Variants in NCKAP1 observed in about 807,000 individuals in gnomAD.
NCKAP1 encodes nck-associated protein 1.
NCKAP1 carries 21 observed loss-of-function variants against 151.2 expected under a neutral mutation model. That is an observed-to-expected ratio of 0.14 (90% CI 0.10 to 0.20). NCKAP1 has a LOEUF of 0.20. Among genes scored for constraint, NCKAP1 ranks in the 10% least tolerant of loss-of-function variants. NCKAP1 has a pLI of 1.00. For missense variants in NCKAP1, 933 were observed against 1,352.1 expected (o/e 0.69, Z 4.86); for synonymous variants, 484 against 451.8 (o/e 1.07, Z -0.90).
At chr2:182,949,365 A>C (rs1305631621) in intron 23 of NCKAP1, among the ~76,000 whole-genome samples, 1 of 152,194 alleles carries the variant, frequency 6.6e-6, no homozygotes, top group East Asian at 1.9e-4. Context: ...CCACTGACTA[A>C]AATGTGAGCG....
chr2:182,911,319 A>C lies in NCKAP1; in HGVS notation c.*14383T>G, dbSNP rs568440330. ...TCACCTTTTGATGTCAGAGGGCTGA[A>C]AATCCCACCCTTGGATCATGCTAAC... On this transcript the variant is annotated 3_prime_UTR_variant, in exon 31 of 31. Transcript: ENST00000361354. 6.6e-6 allele frequency: 1 copy of C among 152,286 alleles called. No homozygotes were observed. The highest frequency in any genetic ancestry group is 2.1e-4 in the South Asian group (1 of 4,822). 9.4% of individuals were successfully genotyped at this position (152,286 alleles called of 1,614,324 possible).
chr2:182,988,885 AAAC>A (rs1182893516), intron 9 of NCKAP1, 142 bp downstream of exon 9: 1 of 595,048 alleles, frequency 1.7e-6, no homozygotes, highest in African/African-American at 1.9e-5. Flanking sequence ...TGACTGTTAA[AAAC>A]AACTTCCTGG....
Position 182,912,640 on chromosome 2 carries a change from G to C in NCKAP1, c.*13062C>G, listed in dbSNP as rs904665142. 6.6e-6 allele frequency: 1 copy of C among 151,784 alleles called. No homozygotes were observed. Among genetic ancestry groups the C allele is most frequent in the African/African-American group, 2.4e-5 (1 of 41,088 alleles). 9.4% of individuals were successfully genotyped at this position (151,784 alleles called of 1,614,324 possible). ...GTGGAGTTCAGAATTATAAATGCTT[G>C]GCTAGTTAGCCATAATAAAAATGGA... On this transcript the variant is annotated 3_prime_UTR_variant, in exon 31 of 31. Transcript: ENST00000361354.
rs1696992133 is a variant in NCKAP1, at chr2:182,941,412, A to G, written c.2695+658T>C. On this transcript the variant is annotated intron_variant, in intron 24 of 30. Transcript: ENST00000361354. Reference sequence around the variant, plus strand: ...TTTCATCAATCTTAGCTAATAACAAAAAGAAACAAATTACTGATCACTTAA... The same window carrying G: ...TTTCATCAATCTTAGCTAATAACAAGAAGAAACAAATTACTGATCACTTAA... Among the ~76,000 whole-genome samples, 3 of 152,210 alleles carry G rather than the reference A, an allele frequency of 2.0e-5. No homozygotes were observed. The South Asian group carries it at 6.2e-4, about 31-fold the overall frequency.
chr2:182,954,130 T>G (rs1697276087), intron 20 of NCKAP1, among the ~76,000 whole-genome samples: 1 of 152,208 alleles, frequency 6.6e-6, no homozygotes. Context: ...AAGGTTTTGT[T>G]GGGAAGTGGT....
At chr2:183,017,169 C>T (rs1170108312) in intron 2 of NCKAP1, among the ~76,000 whole-genome samples, 1 of 152,124 alleles carries the variant, frequency 6.6e-6, no homozygotes, top group Non-Finnish European at 1.5e-5. Flanking sequence ...ACCTTTTTAG[C>T]ACCAGGGACC....
chr2:182,938,476 A>C (rs1696927633), intron 24 of NCKAP1, among the ~76,000 whole-genome samples: 1 of 152,190 alleles, frequency 6.6e-6, no homozygotes, highest in Admixed American at 6.5e-5. Context: ...CAAATCTTGC[A>C]AATGAGTAGT....
intron 20 of NCKAP1, among the ~76,000 whole-genome samples, chr2:182,953,832 C>A (rs184555219): frequency 1.3e-5 from 2 of 151,734 alleles, no homozygotes; most frequent in Admixed American, 1.3e-4. Context: ...AAAACTACAA[C>A]GAAATGTGAA....
At chr2:183,012,219 T>G (rs1204506306) in intron 2 of NCKAP1, among the ~76,000 whole-genome samples, 1 of 152,144 alleles carries the variant, frequency 6.6e-6, no homozygotes, top group East Asian at 1.9e-4. Flanking sequence ...AATCTACACA[T>G]TAGTGTGATA....
At chr2:182,964,493 GTTTA>G (rs1190985073) in intron 17 of NCKAP1, among the ~76,000 whole-genome samples, 179 bp downstream of exon 17, 2 of 151,974 alleles carry the variant, frequency 1.3e-5, no homozygotes, top group African/African-American at 4.8e-5. Flanking sequence ...TTATACTTAT[GTTTA>G]TTTATCTATA....
In NCKAP1 at chr2:182,925,583, T is replaced by TA; in HGVS notation, c.*118dup. The TA allele has an allele frequency of 1.9e-6, 1 of 515,628 alleles. No individual in the cohort carries two copies. The highest frequency in any genetic ancestry group is 3.2e-5 in the East Asian group (1 of 31,592). 31.9% of individuals were successfully genotyped at this position (515,628 alleles called of 1,614,324 possible). A position where few individuals can be genotyped will look rare whatever the true frequency, so the allele number is the denominator to read the frequency against. On this transcript the variant is annotated 3_prime_UTR_variant, in exon 31 of 31. Coordinates refer to ENST00000361354, the MANE Select transcript of NCKAP1 (RefSeq NM_013436.5). Reference sequence around the variant, plus strand: ...AACCAATGATCAGAAAATACAACCGTATGAAAGAAATTTATAATCCACAAA... The same window carrying TA: ...AACCAATGATCAGAAAATACAACCGTAATGAAAGAAATTTATAATCCACAAA...
rs185752925 is a variant in NCKAP1 at position 182,911,958 on chromosome 2, T to C, written c.*13744A>G. On this transcript the variant is annotated 3_prime_UTR_variant, in exon 31 of 31. Transcript: ENST00000361354. ...TGCATTTTCCACAATAGACACTTCA[T>C]GTCTTTGAATTATTTTAGTTGGAGT... is the stretch of plus-strand genomic sequence containing the variant. 2 of 152,354 alleles carry C rather than the reference T, an allele frequency of 1.3e-5. No homozygotes were observed. The highest frequency in any genetic ancestry group is 6.5e-5 in the Admixed American group (1 of 15,294). The allele number at this position is 152,354 out of a possible 1,614,324, so 9.4% of individuals were successfully genotyped here.
chr2:183,035,108 A>C (rs900273707), intron 1 of NCKAP1, among the ~76,000 whole-genome samples: 3 of 149,486 alleles, frequency 2.0e-5, no homozygotes, highest in African/African-American at 7.6e-5. Flanking sequence ...ATTTAAAAAC[A>C]AAAAAAAAGG....
Position 182,981,308 on chromosome 2 carries a change from A to G in NCKAP1, c.1277T>C (p.Met426Thr). 1 of 1,613,534 alleles carries G rather than the reference A, an allele frequency of 6.2e-7. No homozygotes were observed. The highest frequency in any genetic ancestry group is 8.5e-7 in the Non-Finnish European group (1 of 1,179,454). ...AAGGTACTGCACGTAATACCTCTGC[A>G]TTACAGGTCCGTATTTCCTCACATG... ...RAHVRKYGPV[M>T]QRYYVQYLSG... Residue 426 changes from methionine (M) to threonine (T), a missense_variant, in exon 13 of 31, where the codon ATG (methionine) becomes ACG (threonine). By Grantham distance (81) the Met-to-Thr change is moderately conservative. This residue lies in a region of NCKAP1 where 607 missense variants were observed against 795.0 expected (regional missense o/e 0.76). Transcript: ENST00000361354.
At chr2:182,938,898 T>G (rs1696937739) in intron 24 of NCKAP1, among the ~76,000 whole-genome samples, 1 of 152,178 alleles carries the variant, frequency 6.6e-6, no homozygotes, top group African/African-American at 2.4e-5. Context: ...TGTAAAGGAA[T>G]GGGAGAGCTA....
intron 15 of NCKAP1, 22 bp from the exon 16 acceptor site, chr2:182,967,383 A>T (rs1697593151): frequency 1.9e-6 from 3 of 1,577,486 alleles, no homozygotes; most frequent in Non-Finnish European, 2.6e-6. Flanking sequence ...AAAAAAAAAA[A>T]AGTAGTTCAG....
In NCKAP1 at chr2:182,920,759, C is replaced by T. The variant is rs181390686; in HGVS notation, c.*4943G>A. On this transcript the variant is annotated 3_prime_UTR_variant, in exon 31 of 31. Transcript: ENST00000361354. ...ACCTAATCACCTCCCAAAGGCCCCA[C>T]ATCCTGTCACACTGATGATCAGATT... 6.6e-6 allele frequency: 1 copy of T among 152,110 alleles called. No homozygotes were observed. 9.4% of individuals were successfully genotyped at this position (152,110 alleles called of 1,614,324 possible).
chr2:182,957,684 G>T (rs549428288), intron 18 of NCKAP1, 88 bp from the exon 19 acceptor site: 4 of 1,350,864 alleles, frequency 3.0e-6, no homozygotes, highest in South Asian at 2.8e-5. Flanking sequence ...CTGAATCCAG[G>T]CTGTGTTGCA....
At chr2:182,934,600 T>C (rs1373156863) in intron 26 of NCKAP1, 152 bp downstream of exon 26, 2 of 541,836 alleles carry the variant, frequency 3.7e-6, no homozygotes, top group African/African-American at 3.9e-5. Flanking sequence ...TGCTGAGCTC[T>C]CAAAGATTCA....
Sources: gnomAD v4.1 joint callset for allele counts (sites outside exome capture counted in the v4.1 genomes callset) on GRCh38, gnomAD v4.1.1 for gene constraint, gnomAD v4.1.1 regional missense constraint, MANE v1.5 for transcripts, NCBI Gene and HGNC (gene_info 2026-07-23, HGNC 2026-07-21) for gene names.